Variants in PLEKHG6 observed in about 807,000 individuals in gnomAD.
The protein encoded by PLEKHG6 is pleckstrin homology and RhoGEF domain containing G6, also known as pleckstrin homology domain-containing family G member 6.
PLEKHG6 carries 91 observed loss-of-function variants against 97.5 expected under a neutral mutation model. That is an observed-to-expected ratio of 0.93 (90% CI 0.79 to 1.11). The LOEUF is 1.11. PLEKHG6 is among the 50% of genes most tolerant of loss of function. The pLI, the probability that PLEKHG6 is intolerant of heterozygous loss-of-function variation, is 0.00. For synonymous variants in PLEKHG6, 466 were observed against 425.5 expected (o/e 1.10, Z -1.17); for missense variants, 1,044 against 1,031.0 (o/e 1.01, Z -0.17).
chr12:6,312,062 T>C (rs1403698940), intron 1 of PLEKHG6, 97 bp from the exon 2 acceptor site: 1 of 525,458 alleles, frequency 1.9e-6, no homozygotes, highest in Non-Finnish European at 3.2e-6. Context: ...TCCCCCACTA[T>C]ACCCTCCCTC....
At chr12:6,314,933 C>T (rs1222946522) in intron 3 of PLEKHG6, 72 bp from the exon 4 acceptor site, 9 of 1,446,066 alleles carry the variant, frequency 6.2e-6, no homozygotes, top group Non-Finnish European at 8.6e-6. Flanking sequence ...CACACACACA[C>T]AGCCCTCCCG....
At position 6,316,512 on chromosome 12, in the gene PLEKHG6, C is replaced by A; in HGVS notation, c.756+108C>A. The A allele has an allele frequency of 9.2e-7, 1 of 1,085,186 alleles. No individual in the cohort carries two copies. Among genetic ancestry groups the A allele is most frequent in the Non-Finnish European group, 1.3e-6 (1 of 775,738 alleles). The allele number at this position is 1,085,186 out of a possible 1,614,324, so 67.2% of individuals were successfully genotyped here. On this transcript the variant is annotated intron_variant, in intron 7 of 15. Coordinates refer to ENST00000684764, the MANE Select transcript of PLEKHG6 (RefSeq NM_001384598.1). This position sits in a 1 kb window ranked among gnomAD's most constrained non-coding sequence, Gnocchi z 4.1. ...TGCAAATCTCTGTGATTTGAGGGGCCGCAGGACACAGCCCCTACCCCTAAT... is the reference window on the plus strand; with the variant it reads ...TGCAAATCTCTGTGATTTGAGGGGCAGCAGGACACAGCCCCTACCCCTAAT...
chr12:6,324,249 C>T (rs1159694282), intron 13 of PLEKHG6, among the ~76,000 whole-genome samples: 1 of 150,280 alleles, frequency 6.7e-6, no homozygotes, highest in Non-Finnish European at 1.5e-5. Context: ...CCGCCCATTC[C>T]CCCGACCCCC....
chr12:6,316,474 C>A lies in PLEKHG6; in HGVS notation c.756+70C>A. The A allele has an allele frequency of 7.2e-7, 1 of 1,393,362 alleles. No homozygotes were observed. Among genetic ancestry groups the A allele is most frequent in the Non-Finnish European group, 9.7e-7 (1 of 1,034,538 alleles). The allele number at this position is 1,393,362 out of a possible 1,614,324, so 86.3% of individuals were successfully genotyped here. Reference sequence around the variant, plus strand: ...GCCCTCGGGGGTCCTGTGTGTAGGGCATGCCCACAGTATGCAAATCTCTGT... The same window carrying A: ...GCCCTCGGGGGTCCTGTGTGTAGGGAATGCCCACAGTATGCAAATCTCTGT... On this transcript the variant is annotated intron_variant, in intron 7 of 15. Coordinates refer to ENST00000684764, the MANE Select transcript of PLEKHG6 (RefSeq NM_001384598.1). This position sits in a 1 kb window ranked among gnomAD's most constrained non-coding sequence, Gnocchi z 4.1.
chr12:6,315,473 T>C lies in PLEKHG6; in HGVS notation c.460-81T>C. 1 of 911,196 alleles carries C rather than the reference T, an allele frequency of 1.1e-6. No individual in the cohort carries two copies. The highest frequency in any genetic ancestry group is 1.7e-5 in the South Asian group (1 of 60,570). 56.4% of individuals were successfully genotyped at this position (911,196 alleles called of 1,614,324 possible). A position where few individuals can be genotyped will look rare whatever the true frequency, so the allele number is the denominator to read the frequency against. On this transcript the variant is annotated intron_variant, in intron 4 of 15. Coordinates refer to ENST00000684764, the MANE Select transcript of PLEKHG6 (RefSeq NM_001384598.1). This position sits in a 1 kb window ranked among gnomAD's most constrained non-coding sequence, Gnocchi z 4.5. ...CACAAAGTGCCTAGAACCTATGAAGTGGATCCGGTCGCACTTAACAGCTGG... is the reference window on the plus strand; with the variant it reads ...CACAAAGTGCCTAGAACCTATGAAGCGGATCCGGTCGCACTTAACAGCTGG...
Position 6,324,598 on chromosome 12 carries a change from G to A in PLEKHG6, c.1525-1830G>A, listed in dbSNP as rs953812528. On this transcript the variant is annotated intron_variant, in intron 13 of 15. Transcript: ENST00000684764. Reference sequence around the variant, plus strand: ...AGAGGGAGTCCTGCCCCAGGTCCCGGCCCTGGCAGGTTTCCTACCCCCAGG... The same window carrying A: ...AGAGGGAGTCCTGCCCCAGGTCCCGACCCTGGCAGGTTTCCTACCCCCAGG... Among the ~76,000 whole-genome samples the A allele has an allele frequency of 2.6e-5, 4 of 152,128 alleles. No individual in the cohort carries two copies. The South Asian group carries it at 8.3e-4, about 31-fold the overall frequency.
rs201609722 is a variant in PLEKHG6 at position 6,328,065 on chromosome 12, C to T, written c.2364-71C>T. 1.1e-3 allele frequency: 1,735 copies of T among 1,593,750 alleles called. 4 individuals carry two copies. Among genetic ancestry groups the T allele is most frequent in the Non-Finnish European group, 1.4e-3 (1,581 of 1,161,918 alleles). On this transcript the variant is annotated intron_variant, in intron 15 of 15. Transcript: ENST00000684764. ...AGGGGCTGAGGCAGGAAGGGCTCTC[C>T]GCCTCACTCTTCACCTGACCCTCAC...
chr12:6,326,500 C>A lies in PLEKHG6; in HGVS notation c.1597C>A (p.Gln533Lys). ...GGAGCTCCTGACCCTCTATCGGGAC[C>A]AGGACAGGGAGTCCCCCAGCACCAG... ...KRELLTLYRD[Q>K]DRESPSTRPS... The change falls in exon 14 of 16, where the codon CAG becomes AAG. Residue 533 changes from glutamine (Q) to lysine (K), a missense_variant. By Grantham distance (53) the Gln-to-Lys change is moderately conservative. Coordinates refer to ENST00000684764, the MANE Select transcript of PLEKHG6 (RefSeq NM_001384598.1). 1 of 1,606,450 alleles carries A rather than the reference C, an allele frequency of 6.2e-7. No homozygotes were observed. The highest frequency in any genetic ancestry group is 8.5e-7 in the Non-Finnish European group (1 of 1,177,154).
intron 10 of PLEKHG6, 32 bp from the exon 11 acceptor site, chr12:6,318,269 G>A: frequency 6.2e-7 from 1 of 1,613,076 alleles, no homozygotes; most frequent in Non-Finnish European, 8.5e-7. Context: ...AGACTGCCGA[G>A]CGCCCTGACC....
intron 13 of PLEKHG6, among the ~76,000 whole-genome samples, chr12:6,324,285 G>GCCCCCCCCCCCCC (rs1190510783): frequency 3.2e-5 from 1 of 31,544 alleles, no homozygotes; most frequent in Admixed American, 3.2e-4. Context: ...GCTCCCCCTC[G>GCCCCCCCCCCCCC]CCCCCCTCCC....
At position 6,327,479 on chromosome 12, in the gene PLEKHG6, T is replaced by TGCG; in HGVS notation, c.1896_1897insGCG (p.Arg632_Pro633insAla). 2.5e-6 allele frequency: 4 copies of TGCG among 1,603,270 alleles called. No homozygotes were observed. The highest frequency in any genetic ancestry group is 2.2e-5 in the East Asian group (1 of 44,658). On this transcript the variant is annotated inframe_insertion, in exon 15 of 16. Transcript: ENST00000684764. Reference sequence around the variant, plus strand: ...TGGAACTCCGGGACATCCCTCTGCGTCCCCACCCTCCCGACCCCCAAGCTC... The same window carrying TGCG: ...TGGAACTCCGGGACATCCCTCTGCGTGCGCCCCACCCTCCCGACCCCCAAGCTC...
At position 6,315,484 on chromosome 12, in the gene PLEKHG6, G is replaced by A. The variant is rs1206691484; in HGVS notation, c.460-70G>A. ...TAGAACCTATGAAGTGGATCCGGTC[G>A]CACTTAACAGCTGGTACTTGCCATT... is the stretch of plus-strand genomic sequence containing the variant. On this transcript the variant is annotated intron_variant, in intron 4 of 15. Coordinates refer to ENST00000684764, the MANE Select transcript of PLEKHG6 (RefSeq NM_001384598.1). The surrounding 1 kb of genome is among the most constrained non-coding windows in gnomAD (Gnocchi z 4.5). 12 of 997,908 alleles carry A rather than the reference G, an allele frequency of 1.2e-5. No homozygotes were observed. The highest frequency in any genetic ancestry group is 2.3e-5 in the Admixed American group (1 of 42,888). 61.8% of individuals were successfully genotyped at this position (997,908 alleles called of 1,614,324 possible).
Position 6,313,624 on chromosome 12 carries a change from C to T in PLEKHG6, c.139-5C>T, listed in dbSNP as rs144223526. 6.2e-4 allele frequency: 1,001 copies of T among 1,613,966 alleles called. 4 individuals carry two copies. In the African/African-American group the frequency reaches 0.012, roughly 19 times the overall value. On this transcript the variant is annotated splice_polypyrimidine_tract_variant and splice_region_variant and intron_variant, in intron 2 of 15. Transcript: ENST00000684764. ...CCCCCAGAACTTCCCCTGCTCCTCT[C>T]CCAGGATCCCAGTCGCCGACGCCTC... is the stretch of plus-strand genomic sequence containing the variant.
At chr12:6,313,009 G>A in intron 2 of PLEKHG6, 1 of 1,467,956 alleles carries the variant, frequency 6.8e-7, no homozygotes, top group South Asian at 1.4e-5. Context: ...GGCTGTGGGT[G>A]AGAAGGGAGA....
At chr12:6,322,433 A>AGTGGTCTCCCATCTGTGATGACAGAT (rs928678851) in intron 13 of PLEKHG6, among the ~76,000 whole-genome samples, 10 of 152,324 alleles carry the variant, frequency 6.6e-5, no homozygotes, top group Non-Finnish European at 1.0e-4. Context: ...TTGTGATGAC[A>AGTGGTCTCCCATCTGTGATGACAGAT]GTGGTCTCCC....
Position 6,327,501 on chromosome 12 carries a change from G to T in PLEKHG6, c.1918G>T (p.Ala640Ser). The T allele has an allele frequency of 1.5e-6, 1 of 655,888 alleles. No homozygotes were observed. The highest frequency in any genetic ancestry group is 2.5e-6 in the Non-Finnish European group (1 of 402,980). The allele number at this position is 655,888 out of a possible 1,614,324, so 40.6% of individuals were successfully genotyped here. ...PLRPHPPDPQAPQRRSAPELP... is the reference protein window; with the variant it reads ...PLRPHPPDPQSPQRRSAPELP... ...GCGTCCCCACCCTCCCGACCCCCAA[G>T]CTCCTCAACGCCGAAGCGCCCCCGA... The change falls in exon 15 of 16, where the codon GCT (alanine) becomes TCT (serine). Residue 640 changes from alanine (A) to serine (S), a missense_variant. Transcript: ENST00000684764.
chr12:6,315,718 A>G lies in PLEKHG6; in HGVS notation c.555+69A>G. On this transcript the variant is annotated intron_variant, in intron 5 of 15. Coordinates refer to ENST00000684764, the MANE Select transcript of PLEKHG6 (RefSeq NM_001384598.1). This position sits in a 1 kb window ranked among gnomAD's most constrained non-coding sequence, Gnocchi z 4.5. ...TGAGCCCCCATCCTCCCAGACTGGA[A>G]GGCAGGTCACTGGGGGAGGGAGGGG... 8.0e-7 allele frequency: 1 copy of G among 1,256,538 alleles called. No homozygotes were observed. Among genetic ancestry groups the G allele is most frequent in the Non-Finnish European group, 1.1e-6 (1 of 892,344 alleles). 77.8% of individuals were successfully genotyped at this position (1,256,538 alleles called of 1,614,324 possible). A position where few individuals can be genotyped will look rare whatever the true frequency, so the allele number is the denominator to read the frequency against.
chr12:6,317,910 C>G lies in PLEKHG6; in HGVS notation c.1071C>G (p.Gly357=). 1 of 1,562,634 alleles carries G rather than the reference C, an allele frequency of 6.4e-7. No homozygotes were observed. The highest frequency in any genetic ancestry group is 8.7e-7 in the Non-Finnish European group (1 of 1,152,868). Residue 357 remains glycine (G), a synonymous_variant, in exon 10 of 16, where the codon GGC becomes GGG. Transcript: ENST00000684764. The part of the protein sequence containing the change: ...LRHINGQVRQ[G]EEQESLAAAA... Reference sequence around the variant, plus strand: ...ACATCAATGGGCAGGTCCGCCAGGGCGAAGAGCAAGAGAGCTTGGCGGCTG... The same window carrying G: ...ACATCAATGGGCAGGTCCGCCAGGGGGAAGAGCAAGAGAGCTTGGCGGCTG...
At chr12:6,318,140 C>G (rs1222719490) in intron 10 of PLEKHG6, 146 bp downstream of exon 10, 2 of 1,371,728 alleles carry the variant, frequency 1.5e-6, no homozygotes, top group East Asian at 2.4e-5. Flanking sequence ...CCAAGGGGTA[C>G]AGGTCAGAAG....
Sources: gnomAD v4.1 joint callset for allele counts (sites outside exome capture counted in the v4.1 genomes callset) on GRCh38, gnomAD v4.1.1 for gene constraint, Gnocchi (gnomAD v3.1) non-coding constraint, MANE v1.5 for transcripts, NCBI Gene and HGNC (gene_info 2026-07-23, HGNC 2026-07-21) for gene names.